SCN2A: variants seen among roughly 807,000 people sequenced by gnomAD.
The protein encoded by SCN2A is sodium channel protein type 2 subunit alpha.
A neutral mutation model predicts 188.7 loss-of-function variants in SCN2A; 20 were observed. The ratio of observed to expected loss-of-function variants is 0.11; its 90% CI spans 0.07 to 0.15. SCN2A has a LOEUF of 0.15. Among genes scored for constraint, SCN2A ranks in the 10% least tolerant of loss-of-function variants. The pLI, the probability that SCN2A is intolerant of heterozygous loss-of-function variation, is 1.00. For missense variants in SCN2A, 1,278 were observed against 2,445.0 expected, an observed-to-expected ratio of 0.52 and a Z score of 10.07; for synonymous variants, 804 against 833.1, an observed-to-expected ratio of 0.97 and a Z score of 0.60.
At chr2:165,298,611 G>T (rs532503338) in intron 3 of SCN2A, among the ~76,000 whole-genome samples, 3 of 152,136 alleles carry the variant, frequency 2.0e-5, no homozygotes, top group Non-Finnish European at 2.9e-5. Flanking sequence ...GAACCCAGTA[G>T]CATGTGGGGA....
At chr2:165,385,556 A>C (rs969838534) in intron 25 of SCN2A, among the ~76,000 whole-genome samples, 1 of 152,214 alleles carries the variant, frequency 6.6e-6, no homozygotes, top group Admixed American at 6.6e-5. Flanking sequence ...GAATACTCTA[A>C]TGAATCTATA....
intron 25 of SCN2A, 49 bp from the exon 26 acceptor site, chr2:165,386,697 G>GT: frequency 1.3e-6 from 2 of 1,562,992 alleles, no homozygotes; most frequent in Non-Finnish European, 8.8e-7. Flanking sequence ...AATTGAATTC[G>GT]ATTTTTTTTA....
intron 22 of SCN2A, among the ~76,000 whole-genome samples, chr2:165,375,826 C>T (rs1359503981): frequency 6.6e-6 from 1 of 151,776 alleles, no homozygotes; most frequent in East Asian, 1.9e-4. Flanking sequence ...CACGCACACA[C>T]ACACACACAC....
At chr2:165,281,864 T>A (rs966752916) in intron 1 of SCN2A, among the ~76,000 whole-genome samples, 4 of 151,972 alleles carry the variant, frequency 2.6e-5, no homozygotes, top group Non-Finnish European at 5.9e-5. Context: ...TTTTAATAAT[T>A]TGTGTTTGAA....
chr2:165,239,705 T>C, intron 1 of SCN2A, 65 bp downstream of exon 1: 1 of 709,900 alleles, frequency 1.4e-6, no homozygotes, highest in South Asian at 6.4e-5. Context: ...GAATGACATT[T>C]AATATAAGAT....
In SCN2A at chr2:165,282,909, G is replaced by C. The variant is rs77775778; in HGVS notation, c.-51-12864G>C. Among the ~76,000 whole-genome samples the C allele has an allele frequency of 4.5e-3, 692 of 152,202 alleles. 8 individuals are homozygous for C. In the East Asian group the frequency reaches 0.06, roughly 13 times the overall value. The stretch of plus-strand genomic sequence containing the variant: ...CTAGAGGTTATGACATAGTGTATGA[G>C]AGAGAGAGGAAGGAATCAAGGATGG... On this transcript the variant is annotated intron_variant, in intron 1 of 26. Coordinates refer to ENST00000375437, the MANE Select transcript of SCN2A (RefSeq NM_001040142.2).
rs541483828 is a variant in SCN2A, at chr2:165,389,833, C to A, written c.*9C>A. The A allele has an allele frequency of 5.2e-5, 83 of 1,592,628 alleles. 1 individual carries two copies. The South Asian group carries it at 8.8e-4, about 17-fold the overall frequency. The stretch of plus-strand genomic sequence containing the variant: ...GGGAAAGTAAAAAGTAAAAAGAAAC[C>A]AAGAATTTTCCATTTTGTGATCAAT... On this transcript the variant is annotated 3_prime_UTR_variant, in exon 27 of 27. Transcript: ENST00000375437. This position sits in a 1 kb window ranked among gnomAD's most constrained non-coding sequence, Gnocchi z 4.2.
At chr2:165,387,358 A>T (rs531679858) in intron 26 of SCN2A, among the ~76,000 whole-genome samples, 2 of 152,328 alleles carry the variant, frequency 1.3e-5, no homozygotes, top group East Asian at 3.9e-4. Context: ...TGAATAAACA[A>T]TCAATCCACA....
intron 1 of SCN2A, among the ~76,000 whole-genome samples, chr2:165,276,654 TG>T (rs1695355881): frequency 6.6e-6 from 1 of 152,184 alleles, no homozygotes; most frequent in Non-Finnish European, 1.5e-5. Flanking sequence ...TTGATTTGGT[TG>T]TACAAATGCA....
chr2:165,278,738 G>A (rs899417956), intron 1 of SCN2A, among the ~76,000 whole-genome samples: 7 of 152,074 alleles, frequency 4.6e-5, no homozygotes, highest in South Asian at 2.1e-4. Context: ...GGAGACCAGC[G>A]CTGGCAACAT....
intron 1 of SCN2A, among the ~76,000 whole-genome samples, chr2:165,261,595 A>C (rs1694598168): frequency 6.6e-6 from 1 of 152,236 alleles, no homozygotes; most frequent in African/African-American, 2.4e-5. Context: ...GAATCACCTC[A>C]AGTGGGGTAC....
At chr2:165,307,796 CA>C in intron 3 of SCN2A, 51 bp from the exon 4 acceptor site, 1 of 1,189,628 alleles carries the variant, frequency 8.4e-7, no homozygotes, top group Non-Finnish European at 1.3e-6. Context: ...CATGGTAGTG[CA>C]TAAAAGTAAG....
chr2:165,291,519 C>CTTTTT (rs1270743491), intron 1 of SCN2A, among the ~76,000 whole-genome samples: 3 of 51,866 alleles, frequency 5.8e-5, no homozygotes, highest in East Asian at 7.2e-4. Flanking sequence ...TTCTTCCTCT[C>CTTTTT]CTTTCTTTCC....
In SCN2A at chr2:165,243,070, A is replaced by G. The variant is rs566460981; in HGVS notation, c.-52+3430A>G. 7.2e-5 allele frequency among the ~76,000 whole-genome samples: 11 copies of G among 152,330 alleles called. No individual in the cohort carries two copies. In the South Asian group the frequency reaches 8.3e-4, roughly 11 times the overall value. On this transcript the variant is annotated intron_variant, in intron 1 of 26. Coordinates refer to ENST00000375437, the MANE Select transcript of SCN2A (RefSeq NM_001040142.2). ...TTAATTCTTGAATTGGAGACTAATAACACTGTTTCACATGAAGCTTTTACA... is the reference window on the plus strand; with the variant it reads ...TTAATTCTTGAATTGGAGACTAATAGCACTGTTTCACATGAAGCTTTTACA...
chr2:165,243,487 A>G (rs1413009721), intron 1 of SCN2A, among the ~76,000 whole-genome samples: 4 of 152,036 alleles, frequency 2.6e-5, no homozygotes, highest in African/African-American at 9.7e-5. Context: ...CTGTAGTCCC[A>G]GCTACTCGGG....
chr2:165,302,912 A>G (rs13035589), intron 3 of SCN2A, among the ~76,000 whole-genome samples: 7,858 of 152,350 alleles, frequency 0.052, 286 homozygotes, highest in Middle Eastern at 0.12. Flanking sequence ...CTCGCAGGTT[A>G]GTATCAATCA....
intron 3 of SCN2A, among the ~76,000 whole-genome samples, chr2:165,301,466 G>A (rs1479787623): frequency 2.0e-5 from 3 of 152,140 alleles, no homozygotes; most frequent in Non-Finnish European, 4.4e-5. Context: ...ATCAGAAAAC[G>A]TAGATTCAAA....
chr2:165,384,945 A>G (rs1701794911), intron 25 of SCN2A, among the ~76,000 whole-genome samples: 2 of 152,148 alleles, frequency 1.3e-5, no homozygotes, highest in Admixed American at 1.3e-4. Context: ...CAGACTTGGA[A>G]AGTTAAACTA....
chr2:165,308,870 G>T (rs539232545), intron 5 of SCN2A, 76 bp downstream of exon 5: 12 of 1,571,386 alleles, frequency 7.6e-6, no homozygotes, highest in Admixed American at 5.1e-5. Context: ...TTCCTTGGTG[G>T]CTTGCCTTGA....
Sources: gnomAD v4.1 joint callset for allele counts (sites outside exome capture counted in the v4.1 genomes callset) on GRCh38, gnomAD v4.1.1 for gene constraint, Gnocchi (gnomAD v3.1) non-coding constraint, MANE v1.5 for transcripts, NCBI Gene and HGNC (gene_info 2026-07-23, HGNC 2026-07-21) for gene names.